Variants in MAP4K3 observed in about 807,000 individuals in gnomAD.
MAP4K3 encodes the protein mitogen-activated protein kinase kinase kinase kinase 3, also known as MAPK/ERK kinase kinase kinase 3.
A neutral mutation model predicts 143.5 loss-of-function variants in MAP4K3; 94 were observed. That is an observed-to-expected ratio of 0.65 (90% CI 0.55 to 0.78). MAP4K3 has a LOEUF of 0.78. MAP4K3 is among the 30% of genes least tolerant of loss of function. The pLI, the probability that MAP4K3 is intolerant of heterozygous loss-of-function variation, is 0.00. For synonymous variants in MAP4K3, 416 were observed against 347.2 expected (o/e 1.20, Z -2.20); for missense variants, 1,077 against 1,068.1 (o/e 1.01, Z -0.12).
intron 8 of MAP4K3, among the ~76,000 whole-genome samples, chr2:39,329,643 C>T (rs9309037): frequency 0.68 from 103,788 of 152,016 alleles, 39,344 homozygotes; most frequent in Non-Finnish European, 0.84. Flanking sequence ...GCAACTATTG[C>T]CCCCCAATTC....
At chr2:39,410,318 T>C (rs1667202511) in intron 1 of MAP4K3, among the ~76,000 whole-genome samples, 1 of 152,230 alleles carries the variant, frequency 6.6e-6, no homozygotes, top group Admixed American at 6.5e-5. Context: ...GAGTTCCCTG[T>C]ATTCACGCAA....
At chr2:39,320,011 A>G (rs1683251871) in intron 12 of MAP4K3, among the ~76,000 whole-genome samples, 1 of 152,044 alleles carries the variant, frequency 6.6e-6, no homozygotes, top group Non-Finnish European at 1.5e-5. Flanking sequence ...GCATCTTCCT[A>G]TTGGCAAACT....
Position 39,293,365 on chromosome 2 carries a change from T to C in MAP4K3, c.1179-97A>G. On this transcript the variant is annotated intron_variant, in intron 16 of 33. Transcript: ENST00000263881. ...ATTTTAACCTTAACCATACATTTTT[T>C]GAATGATTACTTTTTTACCATTTAC... is the stretch of plus-strand genomic sequence containing the variant. 6 of 809,030 alleles carry C rather than the reference T, an allele frequency of 7.4e-6. No homozygotes were observed. In the South Asian group the frequency reaches 8.5e-5, roughly 11 times the overall value. The allele number at this position is 809,030 out of a possible 1,614,324, so 50.1% of individuals were successfully genotyped here.
At chr2:39,375,308 G>A (rs957103095) in intron 2 of MAP4K3, among the ~76,000 whole-genome samples, 5 of 151,996 alleles carry the variant, frequency 3.3e-5, no homozygotes, top group East Asian at 1.9e-4. Context: ...AACACCACTC[G>A]TGAAGTAGTT....
intron 1 of MAP4K3, among the ~76,000 whole-genome samples, chr2:39,385,519 A>C (rs938330120): frequency 5.1e-5 from 7 of 136,054 alleles, no homozygotes; most frequent in African/African-American, 2.0e-4. Context: ...TAACTGGAAT[A>C]TTTATTTTCT....
intron 5 of MAP4K3, 136 bp from the exon 6 acceptor site, chr2:39,337,103 A>G: frequency 2.1e-6 from 1 of 466,344 alleles, no homozygotes. Context: ...TCATTAACAT[A>G]TTTTAATGAG....
intron 30 of MAP4K3, 35 bp from the exon 31 acceptor site, chr2:39,258,475 A>T (rs188418417): frequency 6.2e-7 from 1 of 1,601,554 alleles, no homozygotes; most frequent in Non-Finnish European, 8.6e-7. Flanking sequence ...AACTAAGATA[A>T]AAGAAGTCTT....
At chr2:39,329,536 G>A (rs571683815) in intron 8 of MAP4K3, among the ~76,000 whole-genome samples, 1 of 152,172 alleles carries the variant, frequency 6.6e-6, no homozygotes, top group East Asian at 1.9e-4. Context: ...GGTTTAAAAA[G>A]TAGCAATAGT....
intron 15 of MAP4K3, among the ~76,000 whole-genome samples, chr2:39,304,639 G>C (rs1227565285): frequency 6.6e-6 from 1 of 152,198 alleles, no homozygotes; most frequent in African/African-American, 2.4e-5. Context: ...AAATGTTGCA[G>C]CTGCTGTGGA....
At position 39,337,497 on chromosome 2, in the gene MAP4K3, T is replaced by A. The variant is rs980061918; in HGVS notation, c.366+29A>T. On this transcript the variant is annotated intron_variant, in intron 5 of 33. Coordinates refer to ENST00000263881, the MANE Select transcript of MAP4K3 (RefSeq NM_003618.4). ...AGTAAAGCCTTAGTTTAATGAAAAA[T>A]GTTATTTTTGAATTAGCACTTGATT... 2.6e-6 allele frequency: 4 copies of A among 1,567,544 alleles called. No homozygotes were observed. In the African/African-American group the frequency reaches 5.4e-5, roughly 21 times the overall value.
rs137952486 is a variant in MAP4K3, at chr2:39,342,618, T to C, written c.310+770A>G. On this transcript the variant is annotated intron_variant, in intron 4 of 33. Coordinates refer to ENST00000263881, the MANE Select transcript of MAP4K3 (RefSeq NM_003618.4). ...TTAAGTAAAACCTATGCCAAGAAGA[T>C]AAAGTGAAATGAAGTAAAATAGAAA... 4.6e-3 allele frequency among the ~76,000 whole-genome samples: 695 copies of C among 152,202 alleles called. 2 individuals are homozygous for C. Among genetic ancestry groups the C allele is most frequent in the Non-Finnish European group, 6.5e-3 (442 of 67,988 alleles).
chr2:39,297,371 G>T (rs1219732723), intron 16 of MAP4K3, among the ~76,000 whole-genome samples: 1 of 152,118 alleles, frequency 6.6e-6, no homozygotes, highest in Non-Finnish European at 1.5e-5. Flanking sequence ...ACTCGCCTCG[G>T]CCTCCAAAAG....
intron 1 of MAP4K3, among the ~76,000 whole-genome samples, chr2:39,410,135 G>A (rs959137146): frequency 2.6e-4 from 39 of 152,140 alleles, no homozygotes; most frequent in Non-Finnish European, 4.9e-4. Flanking sequence ...CTTACACCTA[G>A]GTCTGGGTAT....
rs557155226 is a variant in MAP4K3 at position 39,426,480 on chromosome 2, T to C, written c.96+10412A>G. On this transcript the variant is annotated intron_variant, in intron 1 of 33. Coordinates refer to ENST00000263881, the MANE Select transcript of MAP4K3 (RefSeq NM_003618.4). ...CCTGATTTTGATAATTTATTGCAGT[T>C]TAAGTAAATGTCTTTCATTTTGAGA... 5.9e-5 allele frequency among the ~76,000 whole-genome samples: 9 copies of C among 152,204 alleles called. No individual in the cohort carries two copies. In the South Asian group the frequency reaches 1.9e-3, roughly 32 times the overall value.
At chr2:39,318,760 T>C (rs182643056) in intron 12 of MAP4K3, among the ~76,000 whole-genome samples, 2 of 152,286 alleles carry the variant, frequency 1.3e-5, no homozygotes, top group East Asian at 3.9e-4. Context: ...CCATTTCACG[T>C]TTATTCAACT....
At chr2:39,284,082 AAAT>A (rs1259874714) in intron 21 of MAP4K3, among the ~76,000 whole-genome samples, 1 of 152,218 alleles carries the variant, frequency 6.6e-6, no homozygotes, top group African/African-American at 2.4e-5. Context: ...TCCATTATGC[AAAT>A]AATATATATT....
chr2:39,363,763 G>A lies in MAP4K3; in HGVS notation c.155-7424C>T, dbSNP rs572791611. ...CATTTCACAACATACATATGCATCA[G>A]AATACCATGTTGTAAACTGTAAACA... On this transcript the variant is annotated intron_variant, in intron 2 of 33. Coordinates refer to ENST00000263881, the MANE Select transcript of MAP4K3 (RefSeq NM_003618.4). Among the ~76,000 whole-genome samples the A allele has an allele frequency of 2.0e-5, 3 of 150,336 alleles. No homozygotes were observed. The South Asian group carries it at 6.3e-4, about 32-fold the overall frequency.
At chr2:39,317,728 T>G (rs913718975) in intron 12 of MAP4K3, among the ~76,000 whole-genome samples, 3 of 152,164 alleles carry the variant, frequency 2.0e-5, no homozygotes, top group Non-Finnish European at 2.9e-5. Context: ...CCAGCCAGAA[T>G]GGTTATTATT....
chr2:39,387,223 C>T (rs900422432), intron 1 of MAP4K3, among the ~76,000 whole-genome samples: 1 of 151,980 alleles, frequency 6.6e-6, no homozygotes, highest in Non-Finnish European at 1.5e-5. Context: ...GGTCCTTTGC[C>T]TTTCCATATA....
Sources: allele counts gnomAD v4.1 joint callset (sites outside exome capture counted in the v4.1 genomes callset), GRCh38; gene constraint gnomAD v4.1.1; transcripts MANE v1.5; gene names NCBI Gene and HGNC (gene_info 2026-07-23, HGNC 2026-07-21).